The following TANC2 variants were observed in gnomAD, a reference collection of about 807,000 sequenced individuals.
TANC2 encodes protein TANC2.
Under a neutral mutation model 210.5 loss-of-function variants are expected in TANC2, and 26 were observed. The observed-to-expected ratio is 0.12, with a 90% confidence interval of 0.09 to 0.17. TANC2 has a LOEUF of 0.17. TANC2 is among the 10% of genes least tolerant of loss of function. The probability of loss-of-function intolerance (pLI) is 1.00; values close to 1 mark genes in which losing one functional copy is unlikely to be tolerated. For missense variants in TANC2, 2,129 were observed against 2,608.9 expected (o/e 0.82, Z 4.01); for synonymous variants, 931 against 967.1 (o/e 0.96, Z 0.69).
intron 4 of TANC2, among the ~76,000 whole-genome samples, chr17:63,132,844 T>G (rs1194886417): frequency 6.6e-6 from 1 of 152,214 alleles, no homozygotes; most frequent in Non-Finnish European, 1.5e-5. Context: ...ACACTTAATC[T>G]TTGAAAATGC....
At position 63,302,882 on chromosome 17, in the gene TANC2, G is replaced by GC. The variant is rs1182017479; in HGVS notation, c.1160-11500dup. ...AGGTTCAAGGGATCCTCCTGCCTCA[G>GC]CCCCCCTAGTAGCTAGGATTACAGG... On this transcript the variant is annotated intron_variant, in intron 9 of 27. Transcript: ENST00000689528. 2.6e-5 allele frequency among the ~76,000 whole-genome samples: 4 copies of GC among 152,004 alleles called. No individual in the cohort carries two copies. The East Asian group carries it at 7.8e-4, about 30-fold the overall frequency.
intron 9 of TANC2, among the ~76,000 whole-genome samples, chr17:63,288,530 A>C (rs2044291645): frequency 1.3e-5 from 2 of 152,182 alleles, no homozygotes; most frequent in African/African-American, 4.8e-5. Context: ...TGTCAGTTAT[A>C]TTCAGGTATT....
At chr17:63,344,815 C>G (rs2046347918) in intron 12 of TANC2, among the ~76,000 whole-genome samples, 1 of 152,226 alleles carries the variant, frequency 6.6e-6, no homozygotes, top group Admixed American at 6.5e-5. Flanking sequence ...ACTGGGCAGG[C>G]TTGCAACTGC....
At chr17:63,344,403 A>G (rs1468486598) in intron 12 of TANC2, among the ~76,000 whole-genome samples, 1 of 152,206 alleles carries the variant, frequency 6.6e-6, no homozygotes, top group African/African-American at 2.4e-5. Flanking sequence ...GAAATGTTGA[A>G]TGCTTTTTTC....
chr17:63,181,023 CAAAAAAAA>C (rs1171748208), intron 5 of TANC2, among the ~76,000 whole-genome samples: 1 of 30,644 alleles, frequency 3.3e-5, no homozygotes, highest in African/African-American at 9.3e-5. Context: ...GACTCCATCT[CAAAAAAAA>C]AAAAAAAAAA....
At chr17:62,982,336 A>G (rs547888596) in intron 1 of TANC2, among the ~76,000 whole-genome samples, 1 of 152,268 alleles carries the variant, frequency 6.6e-6, no homozygotes, top group Admixed American at 6.5e-5. Context: ...TCTCTATTAC[A>G]CAGGATTCCC....
At chr17:63,046,194 C>G (rs1256023499) in intron 2 of TANC2, among the ~76,000 whole-genome samples, 1 of 151,406 alleles carries the variant, frequency 6.6e-6, no homozygotes, top group African/African-American at 2.4e-5. Context: ...GAGTCTCACT[C>G]TGTTGCCCAG....
At chr17:63,018,321 C>G (rs2034198794) in intron 2 of TANC2, among the ~76,000 whole-genome samples, 1 of 151,566 alleles carries the variant, frequency 6.6e-6, no homozygotes, top group Admixed American at 6.6e-5. Context: ...AGAAACCCGT[C>G]TCTACTAAAA....
chr17:63,167,906 A>AG, intron 5 of TANC2, among the ~76,000 whole-genome samples: 1 of 150,058 alleles, frequency 6.7e-6, no homozygotes, highest in South Asian at 2.1e-4. Context: ...AAAAAAAAAA[A>AG]AAAGAAAAGG....
intron 2 of TANC2, among the ~76,000 whole-genome samples, chr17:63,037,332 A>G (rs1215407399): frequency 6.6e-6 from 1 of 151,866 alleles, no homozygotes; most frequent in Non-Finnish European, 1.5e-5. Flanking sequence ...TTATCACACT[A>G]CTCAGTATGG....
intron 9 of TANC2, among the ~76,000 whole-genome samples, chr17:63,302,040 G>A (rs1166365082): frequency 6.6e-6 from 1 of 152,156 alleles, no homozygotes; most frequent in Non-Finnish European, 1.5e-5. Flanking sequence ...TATTTACCCA[G>A]GAGTCATTCA....
intron 9 of TANC2, among the ~76,000 whole-genome samples, chr17:63,298,041 CA>C (rs949914631): frequency 2.6e-5 from 4 of 151,412 alleles, no homozygotes; most frequent in Non-Finnish European, 5.9e-5. Context: ...GTAATAAAAA[CA>C]AAAAAAACTA....
chr17:63,250,838 A>G (rs2146151922), intron 8 of TANC2, among the ~76,000 whole-genome samples: 1 of 152,276 alleles, frequency 6.6e-6, no homozygotes, highest in East Asian at 1.9e-4. Flanking sequence ...AGTAATTTAT[A>G]TACTATGCTA....
At chr17:63,067,791 G>A (rs1027568033) in intron 2 of TANC2, among the ~76,000 whole-genome samples, 4 of 152,088 alleles carry the variant, frequency 2.6e-5, no homozygotes, top group African/African-American at 4.8e-5. Context: ...AGGGGATGGC[G>A]GGGAAGAGAA....
chr17:63,035,524 C>A (rs1487408563), intron 2 of TANC2, among the ~76,000 whole-genome samples: 1 of 152,152 alleles, frequency 6.6e-6, no homozygotes, highest in Non-Finnish European at 1.5e-5. Context: ...GTTGTTGTGT[C>A]AAAAAGTACT....
intron 4 of TANC2, among the ~76,000 whole-genome samples, chr17:63,135,719 C>A (rs1279419692): frequency 6.6e-6 from 1 of 152,122 alleles, no homozygotes; most frequent in Non-Finnish European, 1.5e-5. Context: ...ATCATAGCTA[C>A]TTTAAAACTC....
chr17:63,246,138 T>A (rs1290383485), intron 8 of TANC2, among the ~76,000 whole-genome samples: 1 of 152,120 alleles, frequency 6.6e-6, no homozygotes, highest in Non-Finnish European at 1.5e-5. Flanking sequence ...TCTATTTTAG[T>A]GTTGCTTAAT....
intron 9 of TANC2, among the ~76,000 whole-genome samples, chr17:63,310,403 C>T (rs557244361): frequency 1.1e-3 from 164 of 152,110 alleles, no homozygotes; most frequent in South Asian, 2.1e-3. Context: ...GCCAAGATTG[C>T]GCCACTGCAC....
chr17:63,118,141 A>T (rs1053456938), intron 4 of TANC2, among the ~76,000 whole-genome samples: 2 of 152,140 alleles, frequency 1.3e-5, no homozygotes, highest in African/African-American at 4.8e-5. Flanking sequence ...TACCTTTTTT[A>T]AAAAATAACA....
Sources: allele counts gnomAD v4.1 joint callset (sites outside exome capture counted in the v4.1 genomes callset), GRCh38; gene constraint gnomAD v4.1.1; transcripts MANE v1.5; gene names NCBI Gene and HGNC (gene_info 2026-07-23, HGNC 2026-07-21).